The following GRM4 variants were observed in gnomAD, a reference collection of about 807,000 sequenced individuals.
GRM4 encodes the protein glutamate metabotropic receptor 4.
A neutral mutation model predicts 81.7 loss-of-function variants in GRM4; 28 were observed. That is an observed-to-expected ratio of 0.34 (90% CI 0.25 to 0.47). GRM4 has a LOEUF of 0.47. Among genes scored for constraint, GRM4 ranks in the 20% least tolerant of loss-of-function variants. The probability of loss-of-function intolerance (pLI) is 1.00; values close to 1 mark genes in which losing one functional copy is unlikely to be tolerated. For missense variants in GRM4, 948 were observed against 1,290.0 expected (o/e 0.73, Z 4.06); for synonymous variants, 488 against 528.8 (o/e 0.92, Z 1.06).
At chr6:34,112,962 A>G (rs1279098696) in intron 2 of GRM4, among the ~76,000 whole-genome samples, 1 of 152,304 alleles carries the variant, frequency 6.6e-6, no homozygotes, top group South Asian at 2.1e-4. Flanking sequence ...AGGTTGCTAA[A>G]CAACTGCTCT....
Position 34,136,909 on chromosome 6 carries a change from C to A in GRM4, c.-363-3050G>T. On this transcript the variant is annotated intron_variant, in intron 1 of 10. Coordinates refer to ENST00000538487, the MANE Select transcript of GRM4 (RefSeq NM_000841.4). This position sits in a 1 kb window ranked among gnomAD's most constrained non-coding sequence, Gnocchi z 4.1. ...AAAAATACCCCATGAGTGAAAGGAG[C>A]CACTGAGAGCAGAGGCAGGGTGTGG... 6.6e-6 allele frequency among the ~76,000 whole-genome samples: 1 copy of A among 152,018 alleles called. No homozygotes were observed.
Position 34,143,457 on chromosome 6 carries a change from G to A in GRM4, c.-364+2543C>T, listed in dbSNP as rs779033347. On this transcript the variant is annotated intron_variant, in intron 1 of 10. Coordinates refer to ENST00000538487, the MANE Select transcript of GRM4 (RefSeq NM_000841.4). Reference sequence around the variant, plus strand: ...CCAGGGCCTGCCAAGAAGAGGTGACGAGGCCCCTGCGCTATGGGTGCTCAC... The same window carrying A: ...CCAGGGCCTGCCAAGAAGAGGTGACAAGGCCCCTGCGCTATGGGTGCTCAC... Among the ~76,000 whole-genome samples, 12 of 152,316 alleles carry A rather than the reference G, an allele frequency of 7.9e-5. No individual in the cohort carries two copies. In the Middle Eastern group the frequency reaches 0.02, roughly 259 times the overall value.
chr6:34,121,410 G>T lies in GRM4; in HGVS notation c.519+11568C>A, dbSNP rs1769806325. The stretch of plus-strand genomic sequence containing the variant: ...CACCCTCTCCAGGGCCCTGACAGAG[G>T]TTAATGCTGCCCATCCTCCCCTCGG... On this transcript the variant is annotated intron_variant, in intron 2 of 10. Coordinates refer to ENST00000538487, the MANE Select transcript of GRM4 (RefSeq NM_000841.4). This position sits in a 1 kb window ranked among gnomAD's most constrained non-coding sequence, Gnocchi z 4.6. Among the ~76,000 whole-genome samples the T allele has an allele frequency of 6.6e-6, 1 of 152,178 alleles. No individual in the cohort carries two copies. The highest frequency in any genetic ancestry group is 2.4e-5 in the African/African-American group (1 of 41,414).
At position 34,036,681 on chromosome 6, in the gene GRM4, C is replaced by A. The variant is rs555335996; in HGVS notation, c.1507-78G>T. 2.3e-5 allele frequency: 17 copies of A among 754,122 alleles called. No individual in the cohort carries two copies. The highest frequency in any genetic ancestry group is 2.1e-4 in the African/African-American group (12 of 57,638). The allele number at this position is 754,122 out of a possible 1,614,324, so 46.7% of individuals were successfully genotyped here. A position where few individuals can be genotyped will look rare whatever the true frequency, so the allele number is the denominator to read the frequency against. On this transcript the variant is annotated intron_variant, in intron 8 of 10. Transcript: ENST00000538487. The surrounding 1 kb of genome is among the most constrained non-coding windows in gnomAD (Gnocchi z 9.0). Reference sequence around the variant, plus strand: ...CGGACCATCCTACTGGGTGGTGGCACCTTGTAGCCCCACACTCAAATCACC... The same window carrying A: ...CGGACCATCCTACTGGGTGGTGGCAACTTGTAGCCCCACACTCAAATCACC...
At chr6:34,087,539 C>A (rs1210761294) in intron 3 of GRM4, among the ~76,000 whole-genome samples, 2 of 152,084 alleles carry the variant, frequency 1.3e-5, no homozygotes, top group African/African-American at 4.8e-5. Context: ...CAGGCGAGGC[C>A]TGCTCTGCAT....
chr6:34,074,564 G>T lies in GRM4; in HGVS notation c.737-12536C>A, dbSNP rs1442258831. Among the ~76,000 whole-genome samples, 1 of 140,704 alleles carries T rather than the reference G, an allele frequency of 7.1e-6. No homozygotes were observed. The highest frequency in any genetic ancestry group is 6.9e-5 in the Admixed American group (1 of 14,500). 92.3% of individuals were successfully genotyped at this position (140,704 alleles called of 152,430 possible). The stretch of plus-strand genomic sequence containing the variant: ...GGAGAGGAGGCTGCTGGGCGGCGCA[G>T]GCAGTGTGGCTCAGAGCTGAGCCCT... On this transcript the variant is annotated intron_variant, in intron 3 of 10. Coordinates refer to ENST00000538487, the MANE Select transcript of GRM4 (RefSeq NM_000841.4). The surrounding 1 kb of genome is among the most constrained non-coding windows in gnomAD (Gnocchi z 4.9).
chr6:34,119,912 T>C, intron 2 of GRM4, among the ~76,000 whole-genome samples: 1 of 152,032 alleles, frequency 6.6e-6, no homozygotes, highest in Non-Finnish European at 1.5e-5. Context: ...GGTGAGGATA[T>C]CCAGAGAACC....
At chr6:34,057,031 T>C (rs1422618176) in intron 5 of GRM4, among the ~76,000 whole-genome samples, 1 of 152,032 alleles carries the variant, frequency 6.6e-6, no homozygotes, top group Non-Finnish European at 1.5e-5. Context: ...CAGAGGCTGG[T>C]GGGGCTGCCC....
intron 2 of GRM4, among the ~76,000 whole-genome samples, chr6:34,094,892 C>T (rs983505379): frequency 6.6e-6 from 1 of 152,220 alleles, no homozygotes; most frequent in Non-Finnish European, 1.5e-5. Flanking sequence ...CCCTATTCCT[C>T]CTTCCAAGCT....
At chr6:34,122,728 TTGTCTGTCTGTCTGTC>T (rs370079388) in intron 2 of GRM4, among the ~76,000 whole-genome samples, 11 of 150,776 alleles carry the variant, frequency 7.3e-5, no homozygotes, top group East Asian at 2.0e-4. Context: ...CTTCCCCGGT[TTGTCTGTCTGTCTGTC>T]TGTCTGTCTG....
intron 3 of GRM4, among the ~76,000 whole-genome samples, chr6:34,072,645 A>ACACC (rs1674894005): frequency 5.4e-5 from 8 of 147,310 alleles, no homozygotes; most frequent in Admixed American, 1.3e-4. Flanking sequence ...CACCACACAC[A>ACACC]CACACATCAC....
chr6:34,035,982 G>T lies in GRM4; in HGVS notation c.2128C>A (p.Gln710Lys). The T allele has an allele frequency of 6.2e-7, 1 of 1,613,664 alleles. No individual in the cohort carries two copies. Among genetic ancestry groups the T allele is most frequent in the Non-Finnish European group, 8.5e-7 (1 of 1,179,634 alleles). ...AACCACACACAGATGCCCAGCAGCTGCAGCGAGATGAGGCTGAAGGTGATG... is the reference window on the plus strand; with the variant it reads ...AACCACACACAGATGCCCAGCAGCTTCAGCGAGATGAGGCTGAAGGTGATG... ...LAITFSLISLQLLGICVWFVV... is the reference protein window; with the variant it reads ...LAITFSLISLKLLGICVWFVV... The change falls in exon 9 of 11, where the codon CAG becomes AAG. Residue 710 changes from glutamine (Q) to lysine (K), a missense_variant. Transcript: ENST00000538487. This position sits in a 1 kb window ranked among gnomAD's most constrained non-coding sequence, Gnocchi z 6.6.
At chr6:34,039,079 C>T (rs1217831550) in intron 8 of GRM4, among the ~76,000 whole-genome samples, 1 of 152,162 alleles carries the variant, frequency 6.6e-6, no homozygotes, top group Non-Finnish European at 1.5e-5. Flanking sequence ...TCCCACTTTG[C>T]CAAGTGCTCC....
chr6:34,049,119 G>C (rs1041950883), intron 6 of GRM4, among the ~76,000 whole-genome samples: 6 of 151,676 alleles, frequency 4.0e-5, no homozygotes, highest in African/African-American at 1.5e-4. Context: ...CTCCTCATAA[G>C]AGGTGCCTCT....
Position 34,040,533 on chromosome 6 carries a change from G to C in GRM4, c.1369+15C>G. On this transcript the variant is annotated intron_variant, in intron 7 of 10. Transcript: ENST00000538487. The stretch of plus-strand genomic sequence containing the variant: ...GGATACCCAGGGTCAGGCACAGTCC[G>C]CACCACACCCCCACCTGAGAAGTTG... 1 of 1,606,246 alleles carries C rather than the reference G, an allele frequency of 6.2e-7. No homozygotes were observed. Among genetic ancestry groups the C allele is most frequent in the South Asian group, 1.1e-5 (1 of 90,148 alleles).
At position 34,089,298 on chromosome 6, in the gene GRM4, T is replaced by C. The variant is rs1341945440; in HGVS notation, c.736+2585A>G. On this transcript the variant is annotated intron_variant, in intron 3 of 10. Coordinates refer to ENST00000538487, the MANE Select transcript of GRM4 (RefSeq NM_000841.4). The surrounding 1 kb of genome is among the most constrained non-coding windows in gnomAD (Gnocchi z 4.3). ...GACATCTTTAATCTTTCACAGGGAT[T>C]AGGCTACAAGGTACAGTGGCCTCTT... is the stretch of plus-strand genomic sequence containing the variant. 6.6e-6 allele frequency among the ~76,000 whole-genome samples: 1 copy of C among 152,182 alleles called. No homozygotes were observed. Among genetic ancestry groups the C allele is most frequent in the Non-Finnish European group, 1.5e-5 (1 of 68,014 alleles).
Position 34,034,089 on chromosome 6 carries a change from T to C in GRM4, c.2442+1579A>G, listed in dbSNP as rs1450162143. On this transcript the variant is annotated intron_variant, in intron 9 of 10. Coordinates refer to ENST00000538487, the MANE Select transcript of GRM4 (RefSeq NM_000841.4). This position sits in a 1 kb window ranked among gnomAD's most constrained non-coding sequence, Gnocchi z 4.0. ...GCTCAGGCTGACAACTCCTCAGATA[T>C]GTCTCCAGCCCAGAACTTGCCCCTG... Among the ~76,000 whole-genome samples the C allele has an allele frequency of 2.0e-5, 3 of 152,206 alleles. No individual in the cohort carries two copies. The highest frequency in any genetic ancestry group is 4.4e-5 in the Non-Finnish European group (3 of 68,042).
In GRM4 at chr6:34,111,744, C is replaced by T. The variant is rs576031567; in HGVS notation, c.520-19645G>A. ...AGTGGGGATGGAGGAGGATTAAGGT[C>T]GCTGGGCACTGGCACCAGCTTGGGG... On this transcript the variant is annotated intron_variant, in intron 2 of 10. Coordinates refer to ENST00000538487, the MANE Select transcript of GRM4 (RefSeq NM_000841.4). This position sits in a 1 kb window ranked among gnomAD's most constrained non-coding sequence, Gnocchi z 5.1. Among the ~76,000 whole-genome samples, 4 of 152,158 alleles carry T rather than the reference C, an allele frequency of 2.6e-5. No homozygotes were observed. Among genetic ancestry groups the T allele is most frequent in the Admixed American group, 1.3e-4 (2 of 15,278 alleles).
intron 1 of GRM4, among the ~76,000 whole-genome samples, chr6:34,143,564 C>T (rs1770792923): frequency 6.6e-6 from 1 of 152,246 alleles, no homozygotes; most frequent in Non-Finnish European, 1.5e-5. Context: ...TTCATGAAAG[C>T]TTCCCCCTAC....
Sources: gnomAD v4.1 joint callset for allele counts (sites outside exome capture counted in the v4.1 genomes callset) on GRCh38, gnomAD v4.1.1 for gene constraint, Gnocchi (gnomAD v3.1) non-coding constraint, MANE v1.5 for transcripts, NCBI Gene and HGNC (gene_info 2026-07-23, HGNC 2026-07-21) for gene names.